RPRD1B: variants seen among roughly 807,000 people sequenced by gnomAD.
RPRD1B encodes the protein regulation of nuclear pre-mRNA domain-containing protein 1B.
RPRD1B carries 11 observed loss-of-function variants against 41.5 expected under a neutral mutation model. The observed-to-expected ratio is 0.27, with a 90% CI of 0.17 to 0.44. RPRD1B has a LOEUF of 0.44. Ranked by LOEUF, RPRD1B falls within the 20% of genes least tolerant of loss-of-function variation. The probability of loss-of-function intolerance (pLI) is 1.00; values close to 1 mark genes in which losing one functional copy is unlikely to be tolerated. For synonymous variants in RPRD1B, 158 were observed against 155.6 expected (o/e 1.02, Z -0.12); for missense variants, 248 against 389.9 (o/e 0.64, Z 3.06).
rs541011924 is a variant in RPRD1B, at chr20:38,046,322, T to TAC, written c.282-2024_282-2023dup. On this transcript the variant is annotated intron_variant, in intron 2 of 6. Transcript: ENST00000373433. The stretch of plus-strand genomic sequence containing the variant: ...TAGTTGATTTCTGCCATGACCTTGA[T>TAC]ACAGTAAGATGATTGTTGAAAGTTA... 4.5e-4 allele frequency among the ~76,000 whole-genome samples: 68 copies of TAC among 152,300 alleles called. 1 individual carries two copies. The highest frequency in any genetic ancestry group is 2.1e-3 in the South Asian group (10 of 4,828).
chr20:38,076,528 GCA>G (rs1439935655), intron 6 of RPRD1B, among the ~76,000 whole-genome samples: 3 of 152,134 alleles, frequency 2.0e-5, no homozygotes, highest in Non-Finnish European at 2.9e-5. Flanking sequence ...CATACCCTCT[GCA>G]CCACCCTCCC....
chr20:38,087,996 A>G (rs1335817287), intron 6 of RPRD1B, among the ~76,000 whole-genome samples: 1 of 152,202 alleles, frequency 6.6e-6, no homozygotes, highest in Non-Finnish European at 1.5e-5. Flanking sequence ...TGTGGGAGTC[A>G]TTGCTAATCA....
intron 6 of RPRD1B, among the ~76,000 whole-genome samples, chr20:38,080,489 G>T (rs1421699213): frequency 2.0e-5 from 3 of 152,140 alleles, no homozygotes; most frequent in Non-Finnish European, 2.9e-5. Context: ...CATCAGCTTT[G>T]TCAAAGATCA....
At chr20:38,039,735 CTTTTTT>C (rs11316507) in intron 1 of RPRD1B, among the ~76,000 whole-genome samples, 1 of 136,668 alleles carries the variant, frequency 7.3e-6, no homozygotes, top group African/African-American at 2.7e-5. Flanking sequence ...CTAACTCAGT[CTTTTTT>C]TTTTTTTTTT....
At chr20:38,082,547 C>T (rs144922353) in intron 6 of RPRD1B, among the ~76,000 whole-genome samples, 23 of 152,250 alleles carry the variant, frequency 1.5e-4, no homozygotes, top group African/African-American at 5.1e-4. Flanking sequence ...GCTACCATGC[C>T]TGGCTAATTT....
chr20:38,092,177 T>C lies in RPRD1B; in HGVS notation c.*2302T>C, dbSNP rs548562178. 17 of 985,836 alleles carry C rather than the reference T, an allele frequency of 1.7e-5. No individual in the cohort carries two copies. Among genetic ancestry groups the C allele is most frequent in the Non-Finnish European group, 1.9e-5 (16 of 829,916 alleles). 61.1% of individuals were successfully genotyped at this position (985,836 alleles called of 1,614,324 possible). On this transcript the variant is annotated 3_prime_UTR_variant, in exon 7 of 7. Transcript: ENST00000373433. ...CAAAGGACCTTTCCTTTAGGTCATA[T>C]TCCTCAGAAAGTCTTCAATCTTCCC... is the stretch of plus-strand genomic sequence containing the variant.
intron 1 of RPRD1B, among the ~76,000 whole-genome samples, chr20:38,036,610 T>A (rs1467195549): frequency 6.6e-6 from 1 of 152,218 alleles, no homozygotes; most frequent in Non-Finnish European, 1.5e-5. Context: ...AATTAAATCA[T>A]GGTCTCTGAT....
intron 4 of RPRD1B, 134 bp downstream of exon 4, chr20:38,057,778 C>A: frequency 1.7e-6 from 1 of 600,576 alleles, no homozygotes. Context: ...CCCCGTGCAT[C>A]ATCCTGCCCA....
In RPRD1B at chr20:38,092,022, C is replaced by G. The variant is rs1251819644; in HGVS notation, c.*2147C>G. On this transcript the variant is annotated 3_prime_UTR_variant, in exon 7 of 7. Transcript: ENST00000373433. ...ATCTTAATTCTGCTGTCCACATCCT[C>G]CCAAAGTGTGCTTACTTCATTTGTT... 3.4e-5 allele frequency: 34 copies of G among 985,822 alleles called. No homozygotes were observed. The Middle Eastern group carries it at 2.1e-3, about 61-fold the overall frequency. The allele number at this position is 985,822 out of a possible 1,614,324, so 61.1% of individuals were successfully genotyped here. A position where few individuals can be genotyped will look rare whatever the true frequency, so the allele number is the denominator to read the frequency against.
intron 4 of RPRD1B, among the ~76,000 whole-genome samples, chr20:38,059,016 A>G (rs750136953): frequency 6.6e-6 from 1 of 152,162 alleles, no homozygotes; most frequent in African/African-American, 2.4e-5. Flanking sequence ...ACCTGGCCAC[A>G]ACACACAGTT....
In RPRD1B at chr20:38,040,563, A is replaced by G. The variant is rs2122693115; in HGVS notation, c.280A>G (p.Arg94Gly). The G allele has an allele frequency of 9.4e-6, 15 of 1,590,360 alleles. No homozygotes were observed. Among genetic ancestry groups the G allele is most frequent in the Non-Finnish European group, 1.3e-5 (15 of 1,172,992 alleles). ...VLVDAFSHVAREADEGCKKPL... is the reference protein window; with the variant it reads ...VLVDAFSHVAGEADEGCKKPL... ...TGTGGATGCTTTTTCTCATGTTGCC[A>G]GGTATGTTGTCTGTTTTTTGGATTT... The change falls in exon 2 of 7, where the codon AGA becomes GGA. Residue 94 changes from arginine (R) to glycine (G), a missense_variant and splice_region_variant. By Grantham distance (125) the Arg-to-Gly change is moderately radical. Coordinates refer to ENST00000373433, the MANE Select transcript of RPRD1B (RefSeq NM_021215.4).
chr20:38,084,813 A>G (rs1212310935), intron 6 of RPRD1B, among the ~76,000 whole-genome samples: 1 of 152,234 alleles, frequency 6.6e-6, no homozygotes, highest in Non-Finnish European at 1.5e-5. Flanking sequence ...TTTATCTCAG[A>G]ACTACACATT....
At chr20:38,068,184 G>A (rs186732226) in intron 6 of RPRD1B, among the ~76,000 whole-genome samples, 104 of 152,284 alleles carry the variant, frequency 6.8e-4, no homozygotes, top group African/African-American at 2.2e-3. Flanking sequence ...TCCAGTCTGC[G>A]TTGCTCTGCG....
At chr20:38,055,450 G>A (rs187596813) in intron 3 of RPRD1B, among the ~76,000 whole-genome samples, 3 of 145,826 alleles carry the variant, frequency 2.1e-5, no homozygotes, top group Admixed American at 1.4e-4. Context: ...TTAGCATGCA[G>A]TTTTTTTTTT....
chr20:38,051,169 G>A (rs1229872557), intron 3 of RPRD1B, among the ~76,000 whole-genome samples: 1 of 152,104 alleles, frequency 6.6e-6, no homozygotes, highest in Non-Finnish European at 1.5e-5. Context: ...TGTCTCTCAA[G>A]GTGTTCTAAA....
At chr20:38,071,660 T>C (rs1340056224) in intron 6 of RPRD1B, among the ~76,000 whole-genome samples, 1 of 152,344 alleles carries the variant, frequency 6.6e-6, no homozygotes, top group East Asian at 1.9e-4. Flanking sequence ...CCACTAGCAA[T>C]GTGCGTGGGT....
At chr20:38,061,489 G>A (rs867203510) in intron 5 of RPRD1B, among the ~76,000 whole-genome samples, 25 of 152,240 alleles carry the variant, frequency 1.6e-4, no homozygotes, top group African/African-American at 5.3e-4. Flanking sequence ...TCTAGCCAAG[G>A]CCATTGCTCC....
Position 38,064,168 on chromosome 20 carries a change from T to C in RPRD1B, c.656-1913T>C, listed in dbSNP as rs563478867. Among the ~76,000 whole-genome samples, 8 of 152,278 alleles carry C rather than the reference T, an allele frequency of 5.3e-5. No homozygotes were observed. In the South Asian group the frequency reaches 8.3e-4, roughly 16 times the overall value. ...GGTCCTTTATCCTCTGTGACTGAGG[T>C]GATCTCTTTCCTTTGTGTTCCATTC... is the stretch of plus-strand genomic sequence containing the variant. On this transcript the variant is annotated intron_variant, in intron 5 of 6. Coordinates refer to ENST00000373433, the MANE Select transcript of RPRD1B (RefSeq NM_021215.4).
At chr20:38,050,399 C>T (rs1231039162) in intron 3 of RPRD1B, among the ~76,000 whole-genome samples, 1 of 152,138 alleles carries the variant, frequency 6.6e-6, no homozygotes, top group African/African-American at 2.4e-5. Flanking sequence ...GCTTTGGATT[C>T]TGGTGTTTTT....
Sources: gnomAD v4.1 joint callset for allele counts (sites outside exome capture counted in the v4.1 genomes callset) on GRCh38, gnomAD v4.1.1 for gene constraint, MANE v1.5 for transcripts, NCBI Gene and HGNC (gene_info 2026-07-23, HGNC 2026-07-21) for gene names.